The following FBXL7 variants were observed in gnomAD, a reference collection of about 807,000 sequenced individuals.
The protein encoded by FBXL7 is F-box and leucine rich repeat protein 7.
FBXL7 carries 12 observed loss-of-function variants against 38.3 expected under a neutral mutation model. The ratio of observed to expected loss-of-function variants is 0.31; its 90% confidence interval spans 0.20 to 0.51. The LOEUF is 0.51. Among genes scored for constraint, FBXL7 ranks in the 20% least tolerant of loss-of-function variants. The pLI, the probability that FBXL7 is intolerant of heterozygous loss-of-function variation, is 0.98. For synonymous variants in FBXL7, 297 were observed against 300.9 expected, an observed-to-expected ratio of 0.99 and a Z score of 0.13; for missense variants, 567 against 676.4, an observed-to-expected ratio of 0.84 and a Z score of 1.79.
chr5:15,675,694 T>C (rs1048856492), intron 2 of FBXL7, among the ~76,000 whole-genome samples: 1 of 152,332 alleles, frequency 6.6e-6, no homozygotes, highest in South Asian at 2.1e-4. Flanking sequence ...AAATTCCCCT[T>C]CTCTAGGTTC....
intron 1 of FBXL7, among the ~76,000 whole-genome samples, chr5:15,519,411 C>T (rs1737034606): frequency 1.3e-5 from 2 of 150,524 alleles, no homozygotes; most frequent in South Asian, 4.2e-4. Flanking sequence ...AGTGAGTTGG[C>T]TTATGAATAT....
At chr5:15,774,065 C>T (rs1736798289) in intron 2 of FBXL7, among the ~76,000 whole-genome samples, 1 of 151,742 alleles carries the variant, frequency 6.6e-6, no homozygotes, top group African/African-American at 2.4e-5. Context: ...TCTTTTTTTA[C>T]AGATCTGGAG....
chr5:15,815,516 A>G (rs1255828009), intron 2 of FBXL7, among the ~76,000 whole-genome samples: 1 of 152,170 alleles, frequency 6.6e-6, no homozygotes, highest in African/African-American at 2.4e-5. Context: ...GAAATATTTG[A>G]AGGTGATGAG....
In FBXL7 at chr5:15,913,042, A is replaced by G. The variant is rs183023618; in HGVS notation, c.128-14848A>G. ...GTTCTTTCTCTCTATATTTGATAATATAGAAAGAATAAAATGTTTCTCTAT... is the reference window on the plus strand; with the variant it reads ...GTTCTTTCTCTCTATATTTGATAATGTAGAAAGAATAAAATGTTTCTCTAT... On this transcript the variant is annotated intron_variant, in intron 2 of 3. Transcript: ENST00000504595. Among the ~76,000 whole-genome samples, 6 of 152,320 alleles carry G rather than the reference A, an allele frequency of 3.9e-5. No individual in the cohort carries two copies. In the East Asian group the frequency reaches 1.2e-3, roughly 29 times the overall value.
chr5:15,705,712 G>A (rs1268741333), intron 2 of FBXL7, among the ~76,000 whole-genome samples: 2 of 152,140 alleles, frequency 1.3e-5, no homozygotes, highest in South Asian at 4.1e-4. Flanking sequence ...TGGATTGAAT[G>A]GATCTTTGAA....
rs572219202 is a variant in FBXL7, at chr5:15,710,006, T to C, written c.127+93934T>C. On this transcript the variant is annotated intron_variant, in intron 2 of 3. Coordinates refer to ENST00000504595, the MANE Select transcript of FBXL7 (RefSeq NM_012304.5). ...ACACTGGGTCTTAGGTTCCAACATA[T>C]AAATTTTGATGGGACAAATACATTC... Among the ~76,000 whole-genome samples the C allele has an allele frequency of 6.6e-5, 10 of 152,262 alleles. No individual in the cohort carries two copies. The South Asian group carries it at 1.7e-3, about 25-fold the overall frequency.
At chr5:15,620,809 TTG>T (rs2126526800) in intron 2 of FBXL7, among the ~76,000 whole-genome samples, 1 of 152,314 alleles carries the variant, frequency 6.6e-6, no homozygotes, top group African/African-American at 2.4e-5. Context: ...TCTGGAAGAA[TTG>T]TGAGATTGTA....
rs76939451 is a variant in FBXL7 at position 15,750,682 on chromosome 5, A to ATT, written c.127+134618_127+134619dup. On this transcript the variant is annotated intron_variant, in intron 2 of 3. Coordinates refer to ENST00000504595, the MANE Select transcript of FBXL7 (RefSeq NM_012304.5). ...ATGTCAGTCAAAAGGTTGCTTGTGC[A>ATT]TTTTTTTTTCCTGTTTTGGGGGTTT... Among the ~76,000 whole-genome samples, 6 of 150,498 alleles carry ATT rather than the reference A, an allele frequency of 4.0e-5. No homozygotes were observed. In the Middle Eastern group the frequency reaches 0.014, roughly 348 times the overall value.
chr5:15,598,269 T>C (rs1022031245), intron 1 of FBXL7, among the ~76,000 whole-genome samples: 3 of 152,186 alleles, frequency 2.0e-5, no homozygotes, highest in Non-Finnish European at 4.4e-5. Context: ...TTCTTATTTC[T>C]ACTTGGTTGT....
rs1267378698 is a variant in FBXL7 at position 15,624,325 on chromosome 5, CAG to C, written c.127+8254_127+8255del. Among the ~76,000 whole-genome samples, 2 of 152,218 alleles carry C rather than the reference CAG, an allele frequency of 1.3e-5. 1 individual carries two copies. The highest frequency in any genetic ancestry group is 2.9e-5 in the Non-Finnish European group (2 of 68,048). ...TCATGATTACCTTTATGCCCTCTCTCAGGGGTGAGTTCTCTTGAAAATGGGTT... is the reference window on the plus strand; with the variant it reads ...TCATGATTACCTTTATGCCCTCTCTCGGGTGAGTTCTCTTGAAAATGGGTT... On this transcript the variant is annotated intron_variant, in intron 2 of 3. Coordinates refer to ENST00000504595, the MANE Select transcript of FBXL7 (RefSeq NM_012304.5).
intron 1 of FBXL7, among the ~76,000 whole-genome samples, chr5:15,577,293 G>A (rs1452002644): frequency 6.6e-6 from 1 of 152,110 alleles, no homozygotes; most frequent in African/African-American, 2.4e-5. Flanking sequence ...TGGTATCTGG[G>A]TTCTTCAGAG....
At chr5:15,747,418 G>A (rs936540082) in intron 2 of FBXL7, among the ~76,000 whole-genome samples, 2 of 152,140 alleles carry the variant, frequency 1.3e-5, no homozygotes, top group East Asian at 1.9e-4. Context: ...AGTAAAAGTT[G>A]CATCAGGGTC....
intron 2 of FBXL7, among the ~76,000 whole-genome samples, chr5:15,898,461 G>A (rs1205132107): frequency 6.6e-6 from 1 of 152,168 alleles, no homozygotes; most frequent in Non-Finnish European, 1.5e-5. Context: ...GAGAGAAAAA[G>A]GGAGAAAGCA....
At chr5:15,683,181 A>G (rs1294458957) in intron 2 of FBXL7, among the ~76,000 whole-genome samples, 3 of 152,326 alleles carry the variant, frequency 2.0e-5, no homozygotes, top group African/African-American at 7.2e-5. Context: ...CTGGAGACCT[A>G]AAACTTGTCT....
chr5:15,702,151 T>C (rs2126633814), intron 2 of FBXL7, among the ~76,000 whole-genome samples: 1 of 150,762 alleles, frequency 6.6e-6, no homozygotes, highest in East Asian at 2.0e-4. Flanking sequence ...GGCAGGAAAA[T>C]CGCTTGAACC....
chr5:15,899,046 TTCTA>T (rs1162624743), intron 2 of FBXL7, among the ~76,000 whole-genome samples: 1 of 152,152 alleles, frequency 6.6e-6, no homozygotes, highest in Non-Finnish European at 1.5e-5. Flanking sequence ...TATACACACA[TTCTA>T]TCAATCATTA....
At chr5:15,655,577 C>T (rs1238893179) in intron 2 of FBXL7, among the ~76,000 whole-genome samples, 1 of 151,808 alleles carries the variant, frequency 6.6e-6, no homozygotes, top group Non-Finnish European at 1.5e-5. Flanking sequence ...GCATGGTAAG[C>T]GAAGATCCAG....
chr5:15,507,337 AT>A (rs1736675380), intron 1 of FBXL7, among the ~76,000 whole-genome samples: 1 of 152,146 alleles, frequency 6.6e-6, no homozygotes, highest in South Asian at 2.1e-4. Context: ...ATGAGAAGAT[AT>A]TTTTTCGAGA....
At chr5:15,775,039 A>G (rs538105736) in intron 2 of FBXL7, among the ~76,000 whole-genome samples, 1 of 152,320 alleles carries the variant, frequency 6.6e-6, no homozygotes, top group South Asian at 2.1e-4. Context: ...AAAACAGAAA[A>G]CATTTCTGAC....
Sources: gnomAD v4.1 joint callset for allele counts (sites outside exome capture counted in the v4.1 genomes callset) on GRCh38, gnomAD v4.1.1 for gene constraint, MANE v1.5 for transcripts, NCBI Gene and HGNC (gene_info 2026-07-23, HGNC 2026-07-21) for gene names.